Variants in HTRA1 observed in about 807,000 individuals in gnomAD.
HTRA1 encodes serine protease HTRA1.
A neutral mutation model predicts 49.7 loss-of-function variants in HTRA1; 26 were observed. That is an observed-to-expected ratio of 0.52 (90% confidence interval 0.38 to 0.73). The LOEUF (loss-of-function observed/expected upper bound fraction) is 0.73. Ranked by LOEUF, HTRA1 falls within the 30% of genes least tolerant of loss-of-function variation. HTRA1 has a pLI of 0.00. For synonymous variants in HTRA1, 291 were observed against 286.9 expected, an observed-to-expected ratio of 1.01 and a Z score of -0.14; for missense variants, 561 against 667.2, an observed-to-expected ratio of 0.84 and a Z score of 1.75.
At chr10:122,504,096 G>A (rs551998277) in intron 3 of HTRA1, among the ~76,000 whole-genome samples, 5 of 152,254 alleles carry the variant, frequency 3.3e-5, no homozygotes, top group South Asian at 4.1e-4. Context: ...AGCAGGCAGC[G>A]TCCCCTGGAG....
In HTRA1 at chr10:122,514,488, C is replaced by A. The variant is rs1198784465; in HGVS notation, c.*129C>A. 4.7e-6 allele frequency: 4 copies of A among 852,716 alleles called. No homozygotes were observed. Among genetic ancestry groups the A allele is most frequent in the East Asian group, 2.5e-5 (1 of 39,814 alleles). The allele number at this position is 852,716 out of a possible 1,614,324, so 52.8% of individuals were successfully genotyped here. A position where few individuals can be genotyped will look rare whatever the true frequency, so the allele number is the denominator to read the frequency against. On this transcript the variant is annotated 3_prime_UTR_variant, in exon 9 of 9. Transcript: ENST00000368984. ...CCATTTTGTTTGTTCAGTGGAGACT[C>A]CCTGGCCAACAGAATCCTTCTTGAT...
chr10:122,462,011 G>A lies in HTRA1; in HGVS notation c.359G>A (p.Gly120Asp), dbSNP rs1554948318. 1 of 1,529,542 alleles carries A rather than the reference G, an allele frequency of 6.5e-7. No individual in the cohort carries two copies. The highest frequency in any genetic ancestry group is 8.7e-7 in the Non-Finnish European group (1 of 1,144,696). The allele number at this position is 1,529,542 out of a possible 1,614,324, so 94.7% of individuals were successfully genotyped here. Residue 120 changes from glycine to aspartate, a missense_variant, in exon 1 of 9, where the codon GGC becomes GAC. By Grantham distance (94) the Gly-to-Asp change is moderately conservative. Transcript: ENST00000368984. ...TGCGCCAGCAGCGAGCCGGTGTGCG[G>A]CAGCGACGCCAACACCTACGCCAAC... Reference protein sequence around the residue: ...CVCASSEPVCGSDANTYANLC... With the variant: ...CVCASSEPVCDSDANTYANLC...
Position 122,487,647 on chromosome 10 carries a change from C to A in HTRA1, c.473-1255C>A, listed in dbSNP as rs912769837. ...CAGGGATACGTTCTGAGAAATGCGT[C>A]GTTAGGCGATTTCATCACTGTGGGA... On this transcript the variant is annotated intron_variant, in intron 1 of 8. Transcript: ENST00000368984. This position sits in a 1 kb window ranked among gnomAD's most constrained non-coding sequence, Gnocchi z 4.8. 6.6e-6 allele frequency among the ~76,000 whole-genome samples: 1 copy of A among 152,138 alleles called. No homozygotes were observed. Among genetic ancestry groups the A allele is most frequent in the Admixed American group, 6.5e-5 (1 of 15,268 alleles).
chr10:122,465,429 T>C (rs1591023540), intron 1 of HTRA1, among the ~76,000 whole-genome samples: 1 of 152,358 alleles, frequency 6.6e-6, no homozygotes, highest in East Asian at 1.9e-4. Context: ...TGCTGTAGTC[T>C]TCCCTGGGTT....
At chr10:122,503,559 A>C (rs2097501806) in intron 3 of HTRA1, among the ~76,000 whole-genome samples, 3 of 152,182 alleles carry the variant, frequency 2.0e-5, no homozygotes, top group Admixed American at 2.0e-4. Flanking sequence ...TGTGATTGGA[A>C]TTCTGGATGA....
intron 1 of HTRA1, among the ~76,000 whole-genome samples, chr10:122,483,756 C>G: frequency 6.6e-6 from 1 of 152,174 alleles, no homozygotes; most frequent in Non-Finnish European, 1.5e-5. Context: ...ATTTTGATAG[C>G]GTTTTGTAGC....
chr10:122,511,361 G>A lies in HTRA1; in HGVS notation c.1179-609G>A, dbSNP rs556890743. Among the ~76,000 whole-genome samples, 21 of 152,266 alleles carry A rather than the reference G, an allele frequency of 1.4e-4. No individual in the cohort carries two copies. In the South Asian group the frequency reaches 3.7e-3, roughly 27 times the overall value. On this transcript the variant is annotated intron_variant, in intron 7 of 8. Transcript: ENST00000368984. ...GAGGTCACACAGCTAGCAAATGGCC[G>A]AGCTAGGGCTGCAAACCAGGCCAAC...
chr10:122,489,281 T>A, intron 2 of HTRA1, 141 bp from the exon 3 acceptor site: 1 of 853,462 alleles, frequency 1.2e-6, no homozygotes. Flanking sequence ...TGGCAGGATG[T>A]TTAGTGTTTA....
chr10:122,505,942 G>T (rs1214832262), intron 3 of HTRA1, among the ~76,000 whole-genome samples: 3 of 152,206 alleles, frequency 2.0e-5, no homozygotes, highest in African/African-American at 7.2e-5. Flanking sequence ...ATTTTGTTGT[G>T]CAGAGTTGTT....
intron 1 of HTRA1, among the ~76,000 whole-genome samples, chr10:122,466,357 C>T (rs181144192): frequency 6.6e-6 from 1 of 152,190 alleles, no homozygotes; most frequent in African/African-American, 2.4e-5. Context: ...TTGGTAGAGA[C>T]GGGGTTTCAC....
chr10:122,482,463 C>G (rs901103290), intron 1 of HTRA1, among the ~76,000 whole-genome samples: 1 of 152,002 alleles, frequency 6.6e-6, no homozygotes, highest in African/African-American at 2.4e-5. Flanking sequence ...CCTGAAATAT[C>G]GATGAATTTT....
In HTRA1 at chr10:122,469,500, AGT is replaced by A. The variant is rs2097485200; in HGVS notation, c.472+7378_472+7379del. On this transcript the variant is annotated intron_variant, in intron 1 of 8. Coordinates refer to ENST00000368984, the MANE Select transcript of HTRA1 (RefSeq NM_002775.5). ...TCACATCTGCTTTTCTGTGGCACAGAGTGAGCTATACAGGAATATTGTATTCT... is the reference window on the plus strand; with the variant it reads ...TCACATCTGCTTTTCTGTGGCACAGAGAGCTATACAGGAATATTGTATTCT... 3.3e-5 allele frequency among the ~76,000 whole-genome samples: 5 copies of A among 152,342 alleles called. No homozygotes were observed. In the South Asian group the frequency reaches 1.0e-3, roughly 32 times the overall value.
chr10:122,481,444 C>G (rs1202267679), intron 1 of HTRA1, among the ~76,000 whole-genome samples: 2 of 152,226 alleles, frequency 1.3e-5, no homozygotes, highest in Admixed American at 1.3e-4. Flanking sequence ...CAGCTTCACT[C>G]TTTCATTTCT....
At chr10:122,488,181 T>C (rs780038064) in intron 1 of HTRA1, among the ~76,000 whole-genome samples, 5 of 152,126 alleles carry the variant, frequency 3.3e-5, no homozygotes, top group Non-Finnish European at 7.4e-5. Flanking sequence ...CCGGTGCTCT[T>C]TGCTCCTGCG....
chr10:122,514,448 C>A lies in HTRA1; in HGVS notation c.*89C>A. The A allele has an allele frequency of 7.5e-7, 1 of 1,341,872 alleles. No homozygotes were observed. The highest frequency in any genetic ancestry group is 1.1e-6 in the Non-Finnish European group (1 of 936,566). 83.1% of individuals were successfully genotyped at this position (1,341,872 alleles called of 1,614,324 possible). ...CTCTGGGCTGCTGGAATAGGACACT[C>A]AAGACTTTTGACTGCCATTTTGTTT... On this transcript the variant is annotated 3_prime_UTR_variant, in exon 9 of 9. Transcript: ENST00000368984.
Position 122,470,809 on chromosome 10 carries a change from A to C in HTRA1, c.472+8685A>C, listed in dbSNP as rs2097485781. ...AGGACTCCTGATAGAGCCAACACCAAGAATAGTGAAGCCAGAAGGATGGAA... is the reference window on the plus strand; with the variant it reads ...AGGACTCCTGATAGAGCCAACACCACGAATAGTGAAGCCAGAAGGATGGAA... On this transcript the variant is annotated intron_variant, in intron 1 of 8. Coordinates refer to ENST00000368984, the MANE Select transcript of HTRA1 (RefSeq NM_002775.5). 2.6e-5 allele frequency among the ~76,000 whole-genome samples: 4 copies of C among 152,120 alleles called. No homozygotes were observed. The South Asian group carries it at 8.3e-4, about 31-fold the overall frequency.
chr10:122,512,209 C>T (rs28689095), intron 8 of HTRA1, 144 bp downstream of exon 8: 2 of 740,064 alleles, frequency 2.7e-6, no homozygotes, highest in African/African-American at 3.5e-5. Flanking sequence ...CTTGTCATTC[C>T]TGCTGGCCAG....
rs537841073 is a variant in HTRA1, at chr10:122,488,169, C to T, written c.473-733C>T. 1.9e-3 allele frequency among the ~76,000 whole-genome samples: 282 copies of T among 152,240 alleles called. 1 individual carries two copies. Among genetic ancestry groups the T allele is most frequent in the African/African-American group, 6.5e-3 (271 of 41,538 alleles). On this transcript the variant is annotated intron_variant, in intron 1 of 8. Coordinates refer to ENST00000368984, the MANE Select transcript of HTRA1 (RefSeq NM_002775.5). ...TCTGGTGGGCCTCTCCTAGAAAAAG[C>T]CCCGGTGCTCTTTGCTCCTGCGGTG...
chr10:122,481,448 C>G (rs566369851), intron 1 of HTRA1, among the ~76,000 whole-genome samples: 5 of 152,344 alleles, frequency 3.3e-5, no homozygotes, highest in African/African-American at 1.2e-4. Context: ...TTCACTCTTT[C>G]ATTTCTGTAT....
Sources: allele counts gnomAD v4.1 joint callset (sites outside exome capture counted in the v4.1 genomes callset), GRCh38; gene constraint gnomAD v4.1.1; non-coding constraint Gnocchi (gnomAD v3.1); transcripts MANE v1.5; gene names NCBI Gene and HGNC (gene_info 2026-07-23, HGNC 2026-07-21).